Variants in DRC1 observed in about 807,000 individuals in gnomAD.
DRC1 encodes the protein dynein regulatory complex protein 1.
Under a neutral mutation model 98.7 loss-of-function variants are expected in DRC1, and 74 were observed. The observed-to-expected ratio is 0.75, with a 90% CI of 0.62 to 0.91. The LOEUF (loss-of-function observed/expected upper bound fraction) is 0.91, where lower values mean the gene tolerates loss of function less well. Among genes scored for constraint, DRC1 ranks in the 40% least tolerant of loss-of-function variants. The probability of loss-of-function intolerance (pLI) is 0.00; values close to 1 mark genes in which losing one functional copy is unlikely to be tolerated. For synonymous variants in DRC1, 336 were observed against 334.1 expected, an observed-to-expected ratio of 1.01 and a Z score of -0.06; for missense variants, 875 against 886.0, an observed-to-expected ratio of 0.99 and a Z score of 0.16.
intron 6 of DRC1, 113 bp downstream of exon 6, chr2:26,430,985 G>C: frequency 1.2e-6 from 1 of 832,798 alleles, no homozygotes; most frequent in East Asian, 2.9e-5. Context: ...TTTTGAGATG[G>C]AATCTTGCTT....
At chr2:26,421,909 C>T (rs930998982) in intron 3 of DRC1, among the ~76,000 whole-genome samples, 3 of 152,146 alleles carry the variant, frequency 2.0e-5, no homozygotes, top group Non-Finnish European at 4.4e-5. Flanking sequence ...ATTGCTGATA[C>T]GTGCCAAGCT....
In DRC1 at chr2:26,455,266, G is replaced by A. The variant is rs76503931; in HGVS notation, c.2166+33G>A. ...GCGGGGCCTTCCAAGGAGGGGCAGC[G>A]GGAGACACGGGTGGGGCAGGGGCAC... is the stretch of plus-strand genomic sequence containing the variant. On this transcript the variant is annotated intron_variant, in intron 16 of 16. Transcript: ENST00000288710. 7.5e-3 allele frequency: 11,925 copies of A among 1,598,820 alleles called. 413 individuals carry two copies. The African/African-American group carries it at 0.098, about 13-fold the overall frequency.
chr2:26,424,518 G>A, intron 4 of DRC1, 64 bp downstream of exon 4: 1 of 1,508,052 alleles, frequency 6.6e-7, no homozygotes, highest in Non-Finnish European at 9.0e-7. Context: ...CTGGGTTACT[G>A]GTTTGCTTTT....
rs76702418 is a variant in DRC1, at chr2:26,449,515, C to T, written c.1510-481C>T. Among the ~76,000 whole-genome samples, 778 of 152,370 alleles carry T rather than the reference C, an allele frequency of 5.1e-3. 7 individuals are homozygous for T. The highest frequency in any genetic ancestry group is 0.018 in the African/African-American group (740 of 41,584). ...AGGCATCCCAGCTCAGAGCGGGCAC[C>T]GCATCTGCTCAGCCGCCCTCTCCCT... On this transcript the variant is annotated intron_variant, in intron 11 of 16. Transcript: ENST00000288710.
chr2:26,447,285 C>T (rs1027192561), intron 10 of DRC1, among the ~76,000 whole-genome samples: 6 of 150,998 alleles, frequency 4.0e-5, no homozygotes, highest in African/African-American at 1.2e-4. Flanking sequence ...TGGTGGCGCG[C>T]GGCTGTAATT....
intron 1 of DRC1, among the ~76,000 whole-genome samples, chr2:26,406,273 A>G (rs551528720): frequency 6.6e-6 from 1 of 152,310 alleles, no homozygotes; most frequent in South Asian, 2.1e-4. Flanking sequence ...TGATAATAAA[A>G]AGCAGTTGTA....
chr2:26,406,447 G>A (rs916132620), intron 1 of DRC1, among the ~76,000 whole-genome samples: 4 of 151,976 alleles, frequency 2.6e-5, no homozygotes, highest in African/African-American at 7.3e-5. Context: ...GGTGGCTCAC[G>A]CCTATAATCC....
chr2:26,427,931 T>C (rs1663328660), intron 4 of DRC1, among the ~76,000 whole-genome samples: 1 of 152,238 alleles, frequency 6.6e-6, no homozygotes, highest in South Asian at 2.1e-4. Flanking sequence ...GGCTGAATAG[T>C]ACTCCCTTGT....
intron 1 of DRC1, among the ~76,000 whole-genome samples, chr2:26,412,810 C>A (rs567323772): frequency 5.6e-4 from 86 of 152,302 alleles, no homozygotes; most frequent in African/African-American, 2.0e-3. Context: ...CAGAGTCTCG[C>A]TCTCCCGCCC....
chr2:26,421,542 C>T (rs1403180710), intron 3 of DRC1, 142 bp downstream of exon 3: 1 of 454,824 alleles, frequency 2.2e-6, no homozygotes, highest in African/African-American at 2.0e-5. Context: ...TCCCTCCCTC[C>T]TCTTCTTTCT....
At chr2:26,422,068 C>T (rs1663162473) in intron 3 of DRC1, among the ~76,000 whole-genome samples, 1 of 152,206 alleles carries the variant, frequency 6.6e-6, no homozygotes, top group Admixed American at 6.5e-5. Context: ...TTAATTCTAT[C>T]TGCAGAGATT....
chr2:26,445,711 T>A (rs1663832538), intron 10 of DRC1, among the ~76,000 whole-genome samples: 1 of 152,152 alleles, frequency 6.6e-6, no homozygotes, highest in Non-Finnish European at 1.5e-5. Flanking sequence ...CAGGCTGGAT[T>A]GCAGTGGCGC....
chr2:26,435,112 C>T (rs1380038119), intron 7 of DRC1, among the ~76,000 whole-genome samples: 1 of 152,110 alleles, frequency 6.6e-6, no homozygotes. Flanking sequence ...TTTTAAATTT[C>T]CATCCTGCTG....
At chr2:26,421,688 G>A (rs972852288) in intron 3 of DRC1, among the ~76,000 whole-genome samples, 1 of 151,578 alleles carries the variant, frequency 6.6e-6, no homozygotes, top group Admixed American at 6.6e-5. Context: ...AGCCTCCTGA[G>A]TAGCTGGGAT....
intron 1 of DRC1, among the ~76,000 whole-genome samples, chr2:26,409,591 A>G (rs1276491325): frequency 6.6e-6 from 1 of 152,232 alleles, no homozygotes; most frequent in Non-Finnish European, 1.5e-5. Context: ...TCTTTGGTAC[A>G]TCTCAGACAA....
intron 1 of DRC1, among the ~76,000 whole-genome samples, chr2:26,404,019 G>C (rs1232985826): frequency 2.0e-5 from 3 of 151,840 alleles, no homozygotes; most frequent in Non-Finnish European, 4.4e-5. Context: ...AGAATCGCTT[G>C]AACCCAGGAG....
chr2:26,429,838 A>C (rs1663387909), intron 5 of DRC1, 73 bp downstream of exon 5: 2 of 1,524,062 alleles, frequency 1.3e-6, no homozygotes, highest in Non-Finnish European at 1.8e-6. Flanking sequence ...CTGTCCTAAT[A>C]ATCTAAGGAG....
intron 2 of DRC1, among the ~76,000 whole-genome samples, chr2:26,415,491 A>G (rs955786998): frequency 6.6e-6 from 1 of 152,236 alleles, no homozygotes; most frequent in Admixed American, 6.5e-5. Flanking sequence ...TAGAGAGATC[A>G]CTGAATATCT....
rs536892133 is a variant in DRC1 at position 26,422,055 on chromosome 2, C to G, written c.356+655C>G. On this transcript the variant is annotated intron_variant, in intron 3 of 16. Coordinates refer to ENST00000288710, the MANE Select transcript of DRC1 (RefSeq NM_145038.5). ...GGTTGTAGTAACACACACAAGGAGG[C>G]CTTTAATTCTATCTGCAGAGATTAC... Among the ~76,000 whole-genome samples the G allele has an allele frequency of 4.6e-5, 7 of 152,222 alleles. No individual in the cohort carries two copies. In the South Asian group the frequency reaches 1.5e-3, roughly 32 times the overall value.
Sources: gnomAD v4.1 joint callset for allele counts (sites outside exome capture counted in the v4.1 genomes callset) on GRCh38, gnomAD v4.1.1 for gene constraint, MANE v1.5 for transcripts, NCBI Gene and HGNC (gene_info 2026-07-23, HGNC 2026-07-21) for gene names.